Variants in ZFP37 observed in about 807,000 individuals in gnomAD.
ZFP37 encodes the protein zinc finger protein 37 homolog.
A neutral mutation model predicts 52.1 loss-of-function variants in ZFP37; 38 were observed. The ratio of observed to expected loss-of-function variants is 0.73; its 90% CI spans 0.56 to 0.96. The LOEUF (loss-of-function observed/expected upper bound fraction) is 0.96. Among genes scored for constraint, ZFP37 ranks in the 40% least tolerant of loss-of-function variants. ZFP37 has a pLI of 0.00. For missense variants in ZFP37, 695 were observed against 741.4 expected, an observed-to-expected ratio of 0.94 and a Z score of 0.73; for synonymous variants, 253 against 259.5, an observed-to-expected ratio of 0.98 and a Z score of 0.24.
At chr9:113,054,475 G>T (rs182472486) in intron 1 of ZFP37, among the ~76,000 whole-genome samples, 60 of 152,124 alleles carry the variant, frequency 3.9e-4, no homozygotes, top group Non-Finnish European at 7.4e-4. Flanking sequence ...TTCAAAAATG[G>T]TTCCCTAGCT....
At position 113,041,739 on chromosome 9, in the gene ZFP37, ACT is replaced by A. The variant is rs772580780; in HGVS notation, c.*984_*985del. The A allele has an allele frequency of 5.9e-5, 9 of 152,284 alleles. No individual in the cohort carries two copies. In the East Asian group the frequency reaches 7.7e-4, roughly 13 times the overall value. The allele number at this position is 152,284 out of a possible 1,614,324, so 9.4% of individuals were successfully genotyped here. On this transcript the variant is annotated 3_prime_UTR_variant, in exon 4 of 4. Transcript: ENST00000374227. ...CATGAATAAGCATACAAAGATTTTA[ACT>A]CTGTCAAAATCTGAGATCTCACATG...
At chr9:113,054,968 T>C (rs1829116069) in intron 1 of ZFP37, among the ~76,000 whole-genome samples, 3 of 152,214 alleles carry the variant, frequency 2.0e-5, no homozygotes. Context: ...ATCATTCCCC[T>C]GCTTAAACTC....
intron 2 of ZFP37, 139 bp from the exon 3 acceptor site, chr9:113,049,635 C>T (rs1281621106): frequency 1.1e-5 from 15 of 1,427,030 alleles, no homozygotes; most frequent in Non-Finnish European, 1.3e-5. Context: ...CTAAATAGAC[C>T]TTCCATTTTG....
chr9:113,044,140 T>A lies in ZFP37; in HGVS notation c.478A>T (p.Lys160Ter). Residue 160 changes from lysine to a stop codon, truncating the protein, a stop_gained, in exon 4 of 4, where the codon AAA becomes TAA. Coordinates refer to ENST00000374227, the MANE Select transcript of ZFP37 (RefSeq NM_003408.3). LOFTEE classifies it high-confidence loss of function. The stretch of plus-strand genomic sequence containing the variant: ...ACATGTTTTTTATGCAAATTATTTT[T>A]TTTCCCCAGTGAACCACAGTCACTG... The part of the protein sequence containing the change: ...NGSDCGSLGK[K>*]NNLHKKHVPS... 6.2e-7 allele frequency: 1 copy of A among 1,612,692 alleles called. No homozygotes were observed. The highest frequency in any genetic ancestry group is 8.5e-7 in the Non-Finnish European group (1 of 1,179,700).
chr9:113,043,289 C>G lies in ZFP37; in HGVS notation c.1329G>C (p.Lys443Asn). The G allele has an allele frequency of 1.9e-6, 3 of 1,613,948 alleles. No individual in the cohort carries two copies. Among genetic ancestry groups the G allele is most frequent in the Non-Finnish European group, 2.5e-6 (3 of 1,179,962 alleles). Residue 443 changes from lysine to asparagine, a missense_variant, in exon 4 of 4, where the codon AAG (lysine) becomes AAC (asparagine). Physicochemically the swap from Lys to Asn is moderately conservative, Grantham distance 94. This residue lies in a region of ZFP37 where 326 missense variants were observed against 400.5 expected (regional missense o/e 0.81). Coordinates refer to ENST00000374227, the MANE Select transcript of ZFP37 (RefSeq NM_003408.3). ...TGTGTTTAGTAAGGGATGAGCTATACTTAAAGGCTTTTCCACATTCATTGC... is the reference window on the plus strand; with the variant it reads ...TGTGTTTAGTAAGGGATGAGCTATAGTTAAAGGCTTTTCCACATTCATTGC... Reference protein sequence around the residue: ...YECNECGKAFKYSSSLTKHMR... With the variant: ...YECNECGKAFNYSSSLTKHMR...
intron 3 of ZFP37, among the ~76,000 whole-genome samples, chr9:113,044,844 G>A (rs1828924207): frequency 6.6e-6 from 1 of 151,778 alleles, no homozygotes; most frequent in African/African-American, 2.4e-5. Flanking sequence ...TTTTCTCTAC[G>A]TAAACAGAAA....
chr9:113,050,313 G>A (rs1829032767), intron 1 of ZFP37, among the ~76,000 whole-genome samples: 1 of 152,144 alleles, frequency 6.6e-6, no homozygotes, highest in Non-Finnish European at 1.5e-5. Context: ...CTGAGCCCAG[G>A]AGGTCAAGGC....
chr9:113,040,552 A>G lies in ZFP37; in HGVS notation c.*2173T>C, dbSNP rs1301267138. Reference sequence around the variant, plus strand: ...CGAACACATATTCCATTCTCAATATATTATATTAACACATTATAATTCTCT... The same window carrying G: ...CGAACACATATTCCATTCTCAATATGTTATATTAACACATTATAATTCTCT... On this transcript the variant is annotated 3_prime_UTR_variant, in exon 4 of 4. Coordinates refer to ENST00000374227, the MANE Select transcript of ZFP37 (RefSeq NM_003408.3). 6.6e-6 allele frequency: 1 copy of G among 152,234 alleles called. No homozygotes were observed. Among genetic ancestry groups the G allele is most frequent in the East Asian group, 1.9e-4 (1 of 5,202 alleles). The allele number at this position is 152,234 out of a possible 1,614,324, so 9.4% of individuals were successfully genotyped here.
Position 113,042,586 on chromosome 9 carries a change from T to C in ZFP37, c.*139A>G. 1 of 647,154 alleles carries C rather than the reference T, an allele frequency of 1.5e-6. No homozygotes were observed. The highest frequency in any genetic ancestry group is 2.5e-6 in the Non-Finnish European group (1 of 405,656). 40.1% of individuals were successfully genotyped at this position (647,154 alleles called of 1,614,324 possible). A position where few individuals can be genotyped will look rare whatever the true frequency, so the allele number is the denominator to read the frequency against. On this transcript the variant is annotated 3_prime_UTR_variant, in exon 4 of 4. Coordinates refer to ENST00000374227, the MANE Select transcript of ZFP37 (RefSeq NM_003408.3). Reference sequence around the variant, plus strand: ...CTTGTTTCCATCCACTGATTCTATATGAAGATCCATTTTCAAAGTTTCTCA... The same window carrying C: ...CTTGTTTCCATCCACTGATTCTATACGAAGATCCATTTTCAAAGTTTCTCA...
intron 3 of ZFP37, among the ~76,000 whole-genome samples, chr9:113,046,256 C>CTA (rs143129973): frequency 0.49 from 71,887 of 146,984 alleles, 17,589 homozygotes; most frequent in African/African-American, 0.5. Context: ...AGATAAATAT[C>CTA]TATATATATA....
intron 1 of ZFP37, 197 bp from the exon 2 acceptor site, chr9:113,050,069 GA>G (rs1345739904): frequency 1.3e-5 from 12 of 893,452 alleles, no homozygotes; most frequent in Non-Finnish European, 1.9e-5. Context: ...ATTATTTTGA[GA>G]AACAAAAACC....
At position 113,042,514 on chromosome 9, in the gene ZFP37, A is replaced by C. The variant is rs1248039982; in HGVS notation, c.*211T>G. 2.4e-6 allele frequency: 1 copy of C among 423,124 alleles called. No homozygotes were observed. Among genetic ancestry groups the C allele is most frequent in the African/African-American group, 2.1e-5 (1 of 48,486 alleles). 26.2% of individuals were successfully genotyped at this position (423,124 alleles called of 1,614,324 possible). ...TGTAGATCATTTATAATAATTGAGTAGTTAAAACAATATTTTTTATAAAAG... is the reference window on the plus strand; with the variant it reads ...TGTAGATCATTTATAATAATTGAGTCGTTAAAACAATATTTTTTATAAAAG... On this transcript the variant is annotated 3_prime_UTR_variant, in exon 4 of 4. Transcript: ENST00000374227.
At position 113,041,873 on chromosome 9, in the gene ZFP37, A is replaced by T. The variant is rs1302784506; in HGVS notation, c.*852T>A. On this transcript the variant is annotated 3_prime_UTR_variant, in exon 4 of 4. Transcript: ENST00000374227. ...AAATAATACATGTGCATGATTTAAAAATCCAAATATACAAGGAAGTCTTGC... is the reference window on the plus strand; with the variant it reads ...AAATAATACATGTGCATGATTTAAATATCCAAATATACAAGGAAGTCTTGC... 3 of 152,218 alleles carry T rather than the reference A, an allele frequency of 2.0e-5. No individual in the cohort carries two copies. Among genetic ancestry groups the T allele is most frequent in the African/African-American group, 4.8e-5 (2 of 41,464 alleles). The allele number at this position is 152,218 out of a possible 1,614,324, so 9.4% of individuals were successfully genotyped here.
Position 113,042,929 on chromosome 9 carries a change from AT to A in ZFP37, c.1688del (p.His563LeufsTer54), listed in dbSNP as rs1564342780. 6.2e-7 allele frequency: 1 copy of A among 1,613,864 alleles called. No homozygotes were observed. The highest frequency in any genetic ancestry group is 2.2e-5 in the East Asian group (1 of 44,860). On this transcript the variant is annotated frameshift_variant, in exon 4 of 4. Transcript: ENST00000374227. LOFTEE classifies it high-confidence loss of function. ...GTTTCTCCCCAGTATGAGTTCTCTG[AT>A]GTACAATGAGGTGAGACTTTTGGCT... ...AFSQKSHLIV[H>X]QRTHTGEKPY... is the part of the protein sequence containing the mutation.
At chr9:113,046,475 T>C (rs1465455577) in intron 3 of ZFP37, among the ~76,000 whole-genome samples, 1 of 151,986 alleles carries the variant, frequency 6.6e-6, no homozygotes, top group African/African-American at 2.4e-5. Context: ...ACTGAAAACT[T>C]TCCCCTTGAC....
chr9:113,055,472 A>G (rs1170201899), intron 1 of ZFP37, among the ~76,000 whole-genome samples: 2 of 152,242 alleles, frequency 1.3e-5, no homozygotes, highest in Non-Finnish European at 2.9e-5. Flanking sequence ...GTGTGTCTCC[A>G]GCATTTAAAA....
rs34498194 is a variant in ZFP37 at position 113,050,468 on chromosome 9, CAAAAAAAAA to C, written c.133-605_133-597del. ...CATATCGGAGAGAAAGACAAATAGCCAAAAAAAAAAAAAAAAAAGAAAAAAGGAACAGAA... is the reference window on the plus strand; with the variant it reads ...CATATCGGAGAGAAAGACAAATAGCCAAAAAAAAAGAAAAAAGGAACAGAA... On this transcript the variant is annotated intron_variant, in intron 1 of 3. Transcript: ENST00000374227. Among the ~76,000 whole-genome samples, 50 of 121,648 alleles carry C rather than the reference CAAAAAAAAA, an allele frequency of 4.1e-4. No individual in the cohort carries two copies. In the East Asian group the frequency reaches 7.5e-3, roughly 18 times the overall value. The allele number at this position is 121,648 out of a possible 152,430, so 79.8% of individuals were successfully genotyped here.
rs1240358725 is a variant in ZFP37, at chr9:113,052,072, T to C, written c.133-2200A>G. On this transcript the variant is annotated intron_variant, in intron 1 of 3. Transcript: ENST00000374227. This position sits in a 1 kb window ranked among gnomAD's most constrained non-coding sequence, Gnocchi z 4.1. ...TCCTATTACCCCAAATCCCTCATCT[T>C]ATCAATCCCCAATCACTAAACAGAA... Among the ~76,000 whole-genome samples the C allele has an allele frequency of 2.0e-5, 3 of 152,138 alleles. No individual in the cohort carries two copies. Among genetic ancestry groups the C allele is most frequent in the Non-Finnish European group, 4.4e-5 (3 of 68,018 alleles).
rs550226443 is a variant in ZFP37 at position 113,047,528 on chromosome 9, C to T, written c.349+1834G>A. ...ACACTGGGAAGCTGAGGAGGGAGAA[C>T]TGCTTGAGACCAGCAGTTCAAGACC... On this transcript the variant is annotated intron_variant, in intron 3 of 3. Transcript: ENST00000374227. Among the ~76,000 whole-genome samples, 6 of 152,086 alleles carry T rather than the reference C, an allele frequency of 3.9e-5. No individual in the cohort carries two copies. The East Asian group carries it at 1.2e-3, about 29-fold the overall frequency.
Sources: gnomAD v4.1 joint callset for allele counts (sites outside exome capture counted in the v4.1 genomes callset) on GRCh38, gnomAD v4.1.1 for gene constraint, gnomAD v4.1.1 regional missense constraint, Gnocchi (gnomAD v3.1) non-coding constraint, MANE v1.5 for transcripts, NCBI Gene and HGNC (gene_info 2026-07-23, HGNC 2026-07-21) for gene names.